GMEB1: variants seen among roughly 807,000 people sequenced by gnomAD.
GMEB1 encodes glucocorticoid modulatory element-binding protein 1.
In GMEB1, 6 loss-of-function variants were observed where a neutral mutation model predicts 52.4. The ratio of observed to expected loss-of-function variants is 0.11; its 90% CI spans 0.06 to 0.23. The LOEUF is 0.23. Ranked by LOEUF, GMEB1 falls within the 10% of genes least tolerant of loss-of-function variation. The probability of loss-of-function intolerance (pLI) is 1.00; values close to 1 mark genes in which losing one functional copy is unlikely to be tolerated. For missense variants in GMEB1, 486 were observed against 685.6 expected (o/e 0.71, Z 3.25); for synonymous variants, 255 against 244.9 (o/e 1.04, Z -0.38).
intron 9 of GMEB1, among the ~76,000 whole-genome samples, chr1:28,712,393 T>G (rs906540007): frequency 3.3e-5 from 5 of 152,176 alleles, no homozygotes; most frequent in African/African-American, 1.2e-4. Context: ...ACCTACAGCC[T>G]CTCTCCACTC....
intron 1 of GMEB1, among the ~76,000 whole-genome samples, chr1:28,676,084 T>G (rs1669140395): frequency 6.6e-6 from 1 of 152,164 alleles, no homozygotes; most frequent in Non-Finnish European, 1.5e-5. Context: ...GCCAGAACAT[T>G]CCTCTTGGGT....
chr1:28,682,174 T>C (rs1021581122), intron 1 of GMEB1, among the ~76,000 whole-genome samples: 1 of 152,126 alleles, frequency 6.6e-6, no homozygotes, highest in African/African-American at 2.4e-5. Flanking sequence ...CTGCAGAATA[T>C]CTTGGGGTCC....
At chr1:28,708,354 C>T (rs1018600833) in intron 8 of GMEB1, among the ~76,000 whole-genome samples, 3 of 151,956 alleles carry the variant, frequency 2.0e-5, no homozygotes, top group African/African-American at 2.4e-5. Context: ...TTAGTAGAGG[C>T]GGGGTTTCAC....
At chr1:28,682,422 C>G (rs1191826993) in intron 1 of GMEB1, among the ~76,000 whole-genome samples, 3 of 151,862 alleles carry the variant, frequency 2.0e-5, no homozygotes, top group Non-Finnish European at 4.4e-5. Context: ...GAGTTCAAGA[C>G]CAGCCTGGCC....
intron 6 of GMEB1, among the ~76,000 whole-genome samples, chr1:28,698,179 G>A (rs1670317782): frequency 6.6e-6 from 1 of 151,556 alleles, no homozygotes; most frequent in African/African-American, 2.4e-5. Context: ...GACCATCCTG[G>A]CCAACATGGT....
At chr1:28,675,729 A>G (rs2124455994) in intron 1 of GMEB1, among the ~76,000 whole-genome samples, 1 of 152,162 alleles carries the variant, frequency 6.6e-6, no homozygotes, top group Non-Finnish European at 1.5e-5. Context: ...AAAAAAAGAA[A>G]AAAGAATTCC....
rs115693623 is a variant in GMEB1 at position 28,681,857 on chromosome 1, C to T, written c.-30-1726C>T. On this transcript the variant is annotated intron_variant, in intron 1 of 9. Coordinates refer to ENST00000373816, the MANE Select transcript of GMEB1 (RefSeq NM_001319674.2). ...AGCTCAGATTACAGGCATGTACCAC[C>T]GCGCCAGGCCAATTTTTTGTATTTT... 3.7e-3 allele frequency among the ~76,000 whole-genome samples: 565 copies of T among 152,102 alleles called. 7 individuals are homozygous for T. The highest frequency in any genetic ancestry group is 0.013 in the African/African-American group (538 of 41,508).
chr1:28,710,347 A>G (rs560167860), intron 8 of GMEB1, among the ~76,000 whole-genome samples, 173 bp from the exon 9 acceptor site: 1 of 152,358 alleles, frequency 6.6e-6, no homozygotes, highest in South Asian at 2.1e-4. Context: ...ACAAAAATAT[A>G]ACAATTAAAC....
intron 5 of GMEB1, among the ~76,000 whole-genome samples, chr1:28,695,060 G>A (rs910874698): frequency 6.6e-6 from 1 of 150,976 alleles, no homozygotes. Flanking sequence ...CACCTCCTGG[G>A]TTCAAGTGAT....
At chr1:28,687,360 ACACACACAC>A (rs1557504047) in intron 2 of GMEB1, among the ~76,000 whole-genome samples, 3 of 51,048 alleles carry the variant, frequency 5.9e-5, no homozygotes, top group African/African-American at 1.7e-4. Flanking sequence ...ACACACACAC[ACACACACAC>A]ACACACACAC....
intron 1 of GMEB1, among the ~76,000 whole-genome samples, chr1:28,669,306 G>C (rs553513989): frequency 1.3e-5 from 2 of 152,138 alleles, no homozygotes; most frequent in East Asian, 3.9e-4. Flanking sequence ...CCAAAGGCGG[G>C]GTCCGGGGAG....
chr1:28,696,807 A>G, intron 5 of GMEB1, 120 bp from the exon 6 acceptor site: 2 of 699,444 alleles, frequency 2.9e-6, no homozygotes, highest in Middle Eastern at 2.6e-4. Context: ...TTCTAACACT[A>G]TTAGGTTTCA....
intron 1 of GMEB1, among the ~76,000 whole-genome samples, chr1:28,679,130 C>T (rs1016695387): frequency 1.5e-4 from 23 of 151,432 alleles, no homozygotes; most frequent in Admixed American, 9.3e-4. Context: ...GTGATCCGCC[C>T]GTCTCGACCT....
intron 1 of GMEB1, among the ~76,000 whole-genome samples, chr1:28,669,737 G>C (rs1455161256): frequency 6.6e-6 from 1 of 152,104 alleles, no homozygotes; most frequent in African/African-American, 2.4e-5. Context: ...TAACCCGCTC[G>C]GTCAGGGGAT....
At chr1:28,703,240 G>A (rs1670599887) in intron 7 of GMEB1, among the ~76,000 whole-genome samples, 1 of 152,176 alleles carries the variant, frequency 6.6e-6, no homozygotes, top group South Asian at 2.1e-4. Flanking sequence ...AGAGCATGGT[G>A]ATTAATGATG....
rs190163075 is a variant in GMEB1 at position 28,705,834 on chromosome 1, T to C, written c.868+1505T>C. On this transcript the variant is annotated intron_variant, in intron 8 of 9. Transcript: ENST00000373816. Reference sequence around the variant, plus strand: ...TATGTATAGAGAAAGAGTCTGAAAATTGGAGAAATCCACTTGTTTTTAGAT... The same window carrying C: ...TATGTATAGAGAAAGAGTCTGAAAACTGGAGAAATCCACTTGTTTTTAGAT... 7.9e-5 allele frequency among the ~76,000 whole-genome samples: 12 copies of C among 152,052 alleles called. No homozygotes were observed. In the East Asian group the frequency reaches 1.4e-3, roughly 17 times the overall value.
At chr1:28,687,837 T>A (rs1453120528) in intron 2 of GMEB1, among the ~76,000 whole-genome samples, 1 of 151,980 alleles carries the variant, frequency 6.6e-6, no homozygotes, top group Non-Finnish European at 1.5e-5. Flanking sequence ...AAATCTAGTA[T>A]GATTCCTAGA....
intron 3 of GMEB1, 144 bp from the exon 4 acceptor site, chr1:28,691,441 C>T: frequency 2.3e-6 from 1 of 427,294 alleles, no homozygotes. Context: ...AGCTCTTAGG[C>T]CAAACTTCTT....
chr1:28,704,460 G>A, intron 8 of GMEB1, 131 bp downstream of exon 8: 1 of 631,922 alleles, frequency 1.6e-6, no homozygotes, highest in Non-Finnish European at 2.5e-6. Context: ...GGAAACTAAG[G>A]CTCATATAAG....
Sources: allele counts gnomAD v4.1 joint callset (sites outside exome capture counted in the v4.1 genomes callset), GRCh38; gene constraint gnomAD v4.1.1; transcripts MANE v1.5; gene names NCBI Gene and HGNC (gene_info 2026-07-23, HGNC 2026-07-21).